ZNF423: variants seen among roughly 807,000 people sequenced by gnomAD.
The protein encoded by ZNF423 is zinc finger protein 423, also known as Ebf-associated zinc finger protein.
In ZNF423, 12 loss-of-function variants were observed where a neutral mutation model predicts 95.8. That is an observed-to-expected ratio of 0.13 (90% CI 0.08 to 0.20). The LOEUF (loss-of-function observed/expected upper bound fraction) is 0.20. ZNF423 is among the 10% of genes least tolerant of loss of function. The probability of loss-of-function intolerance (pLI) is 1.00; values close to 1 mark genes in which losing one functional copy is unlikely to be tolerated. For synonymous variants in ZNF423, 749 were observed against 711.9 expected, an observed-to-expected ratio of 1.05 and a Z score of -0.83; for missense variants, 1,316 against 1,737.1, an observed-to-expected ratio of 0.76 and a Z score of 4.31.
chr16:49,576,809 C>A (rs1363258821), intron 5 of ZNF423, among the ~76,000 whole-genome samples: 1 of 152,220 alleles, frequency 6.6e-6, no homozygotes, highest in Non-Finnish European at 1.5e-5. Flanking sequence ...AGAGCAGATA[C>A]TGTATGATAA....
chr16:49,530,748 C>A (rs973712967), intron 5 of ZNF423, among the ~76,000 whole-genome samples: 1 of 152,110 alleles, frequency 6.6e-6, no homozygotes, highest in Non-Finnish European at 1.5e-5. Flanking sequence ...AGACTGAGGG[C>A]GTGGAGAGGC....
chr16:49,722,498 CAGAG>C (rs2032894709), intron 3 of ZNF423, among the ~76,000 whole-genome samples: 1 of 152,228 alleles, frequency 6.6e-6, no homozygotes, highest in South Asian at 2.1e-4. Flanking sequence ...CCCTAGAGCC[CAGAG>C]GGTCCCTGCT....
chr16:49,555,244 C>A (rs745807501), intron 5 of ZNF423, among the ~76,000 whole-genome samples: 1 of 152,188 alleles, frequency 6.6e-6, no homozygotes, highest in Non-Finnish European at 1.5e-5. Context: ...AAAATCCTAG[C>A]CCTTGCCACA....
At chr16:49,600,650 T>C (rs2151830169) in intron 5 of ZNF423, among the ~76,000 whole-genome samples, 1 of 151,924 alleles carries the variant, frequency 6.6e-6, no homozygotes, top group South Asian at 2.1e-4. Context: ...CCCTCTCTCG[T>C]GGGGAGCAGG....
intron 1 of ZNF423, among the ~76,000 whole-genome samples, chr16:49,819,647 C>G (rs1355012883): frequency 6.6e-6 from 1 of 152,094 alleles, no homozygotes; most frequent in Non-Finnish European, 1.5e-5. Flanking sequence ...CAGTGTTTCA[C>G]CATGTTGGCC....
chr16:49,731,694 G>A (rs1408962477), intron 2 of ZNF423, among the ~76,000 whole-genome samples: 1 of 152,032 alleles, frequency 6.6e-6, no homozygotes, highest in Non-Finnish European at 1.5e-5. Context: ...ATAGTGGTGT[G>A]TGCCTGTAGT....
chr16:49,552,390 G>T (rs913559969), intron 5 of ZNF423, among the ~76,000 whole-genome samples: 3 of 152,128 alleles, frequency 2.0e-5, no homozygotes, highest in African/African-American at 7.2e-5. Flanking sequence ...ACAAATAGGG[G>T]GTGGGCCAGG....
At chr16:49,591,586 G>A (rs1284940520) in intron 5 of ZNF423, among the ~76,000 whole-genome samples, 1 of 152,084 alleles carries the variant, frequency 6.6e-6, no homozygotes, top group Non-Finnish European at 1.5e-5. Flanking sequence ...AAAATAGTAT[G>A]GACATTGTAA....
At chr16:49,834,310 A>G (rs568585521) in intron 1 of ZNF423, among the ~76,000 whole-genome samples, 10 of 124,720 alleles carry the variant, frequency 8.0e-5, no homozygotes, top group African/African-American at 3.2e-4. Flanking sequence ...GACAATACAA[A>G]GAGACCCTAA....
At chr16:49,817,924 G>A (rs1307958390) in intron 1 of ZNF423, among the ~76,000 whole-genome samples, 4 of 151,962 alleles carry the variant, frequency 2.6e-5, no homozygotes, top group African/African-American at 7.3e-5. Flanking sequence ...CCTCCAACCC[G>A]CCAGTTCACA....
chr16:49,528,435 A>T (rs554160324), intron 5 of ZNF423, among the ~76,000 whole-genome samples: 8 of 152,284 alleles, frequency 5.3e-5, no homozygotes, highest in African/African-American at 1.9e-4. Context: ...TGTCAAAGTA[A>T]GGTTCCAGGC....
intron 3 of ZNF423, among the ~76,000 whole-genome samples, chr16:49,668,658 C>G (rs1404783071): frequency 6.6e-6 from 1 of 152,192 alleles, no homozygotes; most frequent in East Asian, 1.9e-4. Context: ...GATGCAGCCT[C>G]AGTACAGGGA....
intron 5 of ZNF423, among the ~76,000 whole-genome samples, chr16:49,618,038 C>A (rs572847070): frequency 6.6e-6 from 1 of 152,362 alleles, no homozygotes; most frequent in African/African-American, 2.4e-5. Context: ...TGCTGGCCCT[C>A]AGATCTCCAT....
intron 2 of ZNF423, among the ~76,000 whole-genome samples, chr16:49,755,023 C>T (rs565039921): frequency 2.0e-5 from 3 of 152,218 alleles, no homozygotes; most frequent in Non-Finnish European, 2.9e-5. Flanking sequence ...GGCTATCTTC[C>T]GCGGTGGCAG....
chr16:49,590,640 TCTC>T (rs1317739240), intron 5 of ZNF423, among the ~76,000 whole-genome samples: 5 of 152,140 alleles, frequency 3.3e-5, no homozygotes, highest in Middle Eastern at 3.2e-3. Context: ...CCCTTGGTCT[TCTC>T]CTCGATTTCT....
rs2035352021 is a variant in ZNF423 at position 49,855,442 on chromosome 16, C to T, written c.40+293G>A. Among the ~76,000 whole-genome samples, 1 of 151,246 alleles carries T rather than the reference C, an allele frequency of 6.6e-6. No homozygotes were observed. The highest frequency in any genetic ancestry group is 1.5e-5 in the Non-Finnish European group (1 of 67,710). On this transcript the variant is annotated intron_variant, in intron 1 of 7. Coordinates refer to ENST00000563137, the MANE Select transcript of ZNF423 (RefSeq NM_001379286.1). This position sits in a 1 kb window ranked among gnomAD's most constrained non-coding sequence, Gnocchi z 4.7. ...GCGGCAAGGGCCCCTTAGCGGCGCC[C>T]CCAGGCCTGGGTCCCCCAAGGGCGA... is the stretch of plus-strand genomic sequence containing the variant.
Position 49,536,383 on chromosome 16 carries a change from T to G in ZNF423, c.3602-10889A>C, listed in dbSNP as rs371218621. On this transcript the variant is annotated intron_variant, in intron 5 of 7. Coordinates refer to ENST00000563137, the MANE Select transcript of ZNF423 (RefSeq NM_001379286.1). The stretch of plus-strand genomic sequence containing the variant: ...AAAGCTTTAAAAAGTAGATCCACAC[T>G]GTCAATCTAGTAGTTACTGGCCACC... 1.3e-3 allele frequency among the ~76,000 whole-genome samples: 194 copies of G among 151,212 alleles called. 3 individuals are homozygous for G. In the South Asian group the frequency reaches 0.023, roughly 18 times the overall value.
At chr16:49,845,619 C>T (rs528435003) in intron 1 of ZNF423, among the ~76,000 whole-genome samples, 15 of 152,104 alleles carry the variant, frequency 9.9e-5, no homozygotes, top group Non-Finnish European at 2.1e-4. Flanking sequence ...TGGCTCACCA[C>T]AGCCTCAACC....
intron 3 of ZNF423, among the ~76,000 whole-genome samples, chr16:49,639,420 G>C (rs572719817): frequency 1.3e-5 from 2 of 152,320 alleles, no homozygotes; most frequent in South Asian, 2.1e-4. Context: ...CTGGGTATGG[G>C]TGGACTGATG....
Sources: allele counts gnomAD v4.1 joint callset (sites outside exome capture counted in the v4.1 genomes callset), GRCh38; gene constraint gnomAD v4.1.1; non-coding constraint Gnocchi (gnomAD v3.1); transcripts MANE v1.5; gene names NCBI Gene and HGNC (gene_info 2026-07-23, HGNC 2026-07-21).